The following NEK7 variants were observed in gnomAD, a reference collection of about 807,000 sequenced individuals.
The protein encoded by NEK7 is NIMA related kinase 7.
Under a neutral mutation model 44.6 loss-of-function variants are expected in NEK7, and 18 were observed. The ratio of observed to expected loss-of-function variants is 0.40; its 90% CI spans 0.28 to 0.60. The LOEUF is 0.60. Among genes scored for constraint, NEK7 ranks in the 20% least tolerant of loss-of-function variants. NEK7 has a pLI of 0.38. For missense variants in NEK7, 256 were observed against 366.5 expected, an observed-to-expected ratio of 0.70 and a Z score of 2.46; for synonymous variants, 130 against 121.1, an observed-to-expected ratio of 1.07 and a Z score of -0.48.
At chr1:198,185,689 C>T (rs1034583280) in intron 1 of NEK7, among the ~76,000 whole-genome samples, 1 of 152,110 alleles carries the variant, frequency 6.6e-6, no homozygotes, top group Non-Finnish European at 1.5e-5. Flanking sequence ...GGTAGTGCTG[C>T]CTGGAATGTC....
At chr1:198,252,569 A>T (rs10641638) in intron 2 of NEK7, among the ~76,000 whole-genome samples, 1,266 of 20,670 alleles carry the variant, frequency 0.061, 56 homozygotes, top group African/African-American at 0.16. Flanking sequence ...TATATATATA[A>T]AAAGTACATA....
chr1:198,315,240 ACT>A (rs1655326405), intron 9 of NEK7, among the ~76,000 whole-genome samples: 1 of 151,902 alleles, frequency 6.6e-6, no homozygotes, highest in Non-Finnish European at 1.5e-5. Context: ...AGGTAAGGGA[ACT>A]CTCTGACCCC....
chr1:198,307,113 C>T (rs977691404), intron 9 of NEK7, among the ~76,000 whole-genome samples: 1 of 152,052 alleles, frequency 6.6e-6, no homozygotes, highest in African/African-American at 2.4e-5. Context: ...TTGAGATTCT[C>T]ATTTAGTTAT....
intron 1 of NEK7, among the ~76,000 whole-genome samples, chr1:198,226,020 G>T (rs185243172): frequency 2.9e-4 from 44 of 152,104 alleles, no homozygotes; most frequent in Admixed American, 1.4e-3. Context: ...AGGTATTGAC[G>T]TAAGCACTGG....
At chr1:198,199,656 T>C (rs1056794491) in intron 1 of NEK7, among the ~76,000 whole-genome samples, 3 of 152,232 alleles carry the variant, frequency 2.0e-5, no homozygotes, top group African/African-American at 7.2e-5. Flanking sequence ...TACGTCTTGC[T>C]GACGTGTATC....
chr1:198,216,458 C>T (rs781707087), intron 1 of NEK7, among the ~76,000 whole-genome samples: 1 of 151,830 alleles, frequency 6.6e-6, no homozygotes, highest in African/African-American at 2.4e-5. Flanking sequence ...GTTTATAGCG[C>T]TAAATATCTA....
At chr1:198,295,736 T>C (rs1654696432) in intron 8 of NEK7, among the ~76,000 whole-genome samples, 1 of 151,496 alleles carries the variant, frequency 6.6e-6, no homozygotes, top group African/African-American at 2.4e-5. Flanking sequence ...ACGGAGAGAC[T>C]ATAGTTTATA....
At chr1:198,199,109 AAG>A (rs1189017668) in intron 1 of NEK7, among the ~76,000 whole-genome samples, 1 of 152,228 alleles carries the variant, frequency 6.6e-6, no homozygotes, top group East Asian at 1.9e-4. Flanking sequence ...TTCTCCAGGA[AAG>A]ATTCAGAGAT....
At chr1:198,228,630 A>G (rs1030570192) in intron 1 of NEK7, among the ~76,000 whole-genome samples, 1 of 152,132 alleles carries the variant, frequency 6.6e-6, no homozygotes, top group Non-Finnish European at 1.5e-5. Flanking sequence ...CTTTGAAGCA[A>G]TTGTGAATGG....
chr1:198,309,985 T>C (rs556436100), intron 9 of NEK7, among the ~76,000 whole-genome samples: 8 of 151,872 alleles, frequency 5.3e-5, no homozygotes, highest in East Asian at 3.9e-4. Context: ...GGTCAAATGG[T>C]ATTTCTAGTT....
chr1:198,315,160 G>C (rs918626354), intron 9 of NEK7, among the ~76,000 whole-genome samples: 1 of 152,280 alleles, frequency 6.6e-6, no homozygotes, highest in Non-Finnish European at 1.5e-5. Context: ...TAAGCCCGTC[G>C]GAAAAGCGCA....
At chr1:198,248,513 G>A (rs1473430525) in intron 2 of NEK7, among the ~76,000 whole-genome samples, 1 of 152,178 alleles carries the variant, frequency 6.6e-6, no homozygotes, top group African/African-American at 2.4e-5. Context: ...TAAGCCGTTT[G>A]AGAGCAGAAA....
intron 9 of NEK7, among the ~76,000 whole-genome samples, chr1:198,306,668 C>G (rs1319187652): frequency 2.0e-5 from 3 of 152,052 alleles, no homozygotes; most frequent in Non-Finnish European, 2.9e-5. Flanking sequence ...GTTATTTAGT[C>G]TTACAAGAGA....
At chr1:198,266,739 A>G (rs3736981) in intron 5 of NEK7, among the ~76,000 whole-genome samples, 20,982 of 152,052 alleles carry the variant, frequency 0.14, 2,114 homozygotes, top group East Asian at 0.57. Flanking sequence ...GTTTATATAT[A>G]TACTTTTTAA....
intron 1 of NEK7, among the ~76,000 whole-genome samples, chr1:198,189,977 C>T (rs185153748): frequency 1.3e-5 from 2 of 152,082 alleles, no homozygotes; most frequent in African/African-American, 2.4e-5. Context: ...ATTTGTATTG[C>T]CATATAGGCA....
At chr1:198,309,376 G>A (rs1368072727) in intron 9 of NEK7, among the ~76,000 whole-genome samples, 2 of 152,102 alleles carry the variant, frequency 1.3e-5, no homozygotes, top group African/African-American at 2.4e-5. Context: ...TAGGAGCCTG[G>A]AAAGGGAAGC....
At chr1:198,275,494 T>G (rs1412135642) in intron 5 of NEK7, among the ~76,000 whole-genome samples, 5 of 151,108 alleles carry the variant, frequency 3.3e-5, no homozygotes, top group African/African-American at 4.8e-5. Flanking sequence ...CACGTTGGCA[T>G]TAGATTTTTT....
chr1:198,178,651 G>C (rs189495082), intron 1 of NEK7, among the ~76,000 whole-genome samples: 5 of 152,086 alleles, frequency 3.3e-5, no homozygotes, highest in Non-Finnish European at 7.4e-5. Context: ...GTATTTTGCA[G>C]ATTCATTTGT....
chr1:198,175,400 A>C (rs1418973216), intron 1 of NEK7, among the ~76,000 whole-genome samples: 1 of 152,216 alleles, frequency 6.6e-6, no homozygotes, highest in Non-Finnish European at 1.5e-5. Flanking sequence ...ATTCATACTA[A>C]TGAAAGTATT....
Sources: gnomAD v4.1 joint callset for allele counts (sites outside exome capture counted in the v4.1 genomes callset) on GRCh38, gnomAD v4.1.1 for gene constraint, MANE v1.5 for transcripts, NCBI Gene and HGNC (gene_info 2026-07-23, HGNC 2026-07-21) for gene names.